The following ST8SIA5 variants were observed in gnomAD, a reference collection of about 807,000 sequenced individuals.
ST8SIA5 encodes the protein alpha-2,8-sialyltransferase 8E.
In ST8SIA5, 24 loss-of-function variants were observed where a neutral mutation model predicts 40.2. That is an observed-to-expected ratio of 0.60 (90% CI 0.43 to 0.84). The LOEUF (loss-of-function observed/expected upper bound fraction) is 0.84. Ranked by LOEUF, ST8SIA5 falls within the 40% of genes least tolerant of loss-of-function variation. The probability of loss-of-function intolerance (pLI) is 0.00; values close to 1 mark genes in which losing one functional copy is unlikely to be tolerated. For synonymous variants in ST8SIA5, 198 were observed against 201.8 expected (o/e 0.98, Z 0.16); for missense variants, 465 against 498.5 (o/e 0.93, Z 0.64).
intron 1 of ST8SIA5, among the ~76,000 whole-genome samples, chr18:46,749,484 A>G (rs959644206): frequency 1.6e-4 from 24 of 152,216 alleles, no homozygotes; most frequent in Non-Finnish European, 3.2e-4. Flanking sequence ...TAAAACAAGA[A>G]CCATATATTA....
chr18:46,686,233 T>G lies in ST8SIA5; in HGVS notation c.510A>C (p.Gly170=). The change falls in exon 5 of 7, where the codon GGA becomes GGC. Residue 170 remains glycine, a synonymous_variant. Transcript: ENST00000315087. ...QFKKCAVVGN[G]GILKNSRCGR... The stretch of plus-strand genomic sequence containing the variant: ...CGCAGCGGCTGTTCTTCAAGATGCC[T>G]CCGTTGCCCACTACAGCACACTTCT... The G allele has an allele frequency of 6.2e-7, 1 of 1,614,158 alleles. No homozygotes were observed. The highest frequency in any genetic ancestry group is 8.5e-7 in the Non-Finnish European group (1 of 1,180,024).
chr18:46,692,198 C>T lies in ST8SIA5; in HGVS notation c.282G>A (p.Ala94=), dbSNP rs371174943. 17 of 1,613,948 alleles carry T rather than the reference C, an allele frequency of 1.1e-5. No individual in the cohort carries two copies. Among genetic ancestry groups the T allele is most frequent in the African/African-American group, 9.3e-5 (7 of 74,872 alleles). The change falls in exon 3 of 7, where the codon GCG becomes GCA. Residue 94 remains alanine (A), a synonymous_variant. Coordinates refer to ENST00000315087, the MANE Select transcript of ST8SIA5 (RefSeq NM_013305.6). ...ACTGGTTGGCCTCAGAGATGTTCAT[C>T]GCCCATTTGCACATCTGGAGGCTCT... ...RWKSLQMCKW[A]MNISEANQFK...
intron 1 of ST8SIA5, among the ~76,000 whole-genome samples, chr18:46,738,087 A>G (rs536165754): frequency 6.6e-6 from 1 of 152,178 alleles, no homozygotes; most frequent in African/African-American, 2.4e-5. Flanking sequence ...TAATATTATT[A>G]CCTCATGAAT....
At position 46,721,611 on chromosome 18, in the gene ST8SIA5, A is replaced by G. The variant is rs2039864467; in HGVS notation, c.132-16947T>C. The G allele has an allele frequency of 1.2e-5, 8 of 691,936 alleles. No homozygotes were observed. The East Asian group carries it at 1.9e-4, about 16-fold the overall frequency. 42.9% of individuals were successfully genotyped at this position (691,936 alleles called of 1,614,324 possible). The stretch of plus-strand genomic sequence containing the variant: ...AAAGGAGGCGATGGTACTGACTCCA[A>G]CCATGAGGATGGTGATCATAAACCA... On this transcript the variant is annotated intron_variant, in intron 1 of 6. Transcript: ENST00000315087.
At chr18:46,753,875 G>A (rs1243550961) in intron 1 of ST8SIA5, among the ~76,000 whole-genome samples, 3 of 152,158 alleles carry the variant, frequency 2.0e-5, no homozygotes, top group Non-Finnish European at 4.4e-5. Flanking sequence ...GCAGCTTGCA[G>A]ATCGCCTGGG....
intron 1 of ST8SIA5, among the ~76,000 whole-genome samples, chr18:46,749,899 G>T (rs569135568): frequency 6.6e-6 from 1 of 152,230 alleles, no homozygotes; most frequent in Admixed American, 6.5e-5. Context: ...CATAAGACGA[G>T]GCCAGAGACT....
intron 1 of ST8SIA5, among the ~76,000 whole-genome samples, chr18:46,735,397 C>T (rs1228071139): frequency 1.3e-5 from 2 of 152,144 alleles, no homozygotes; most frequent in Admixed American, 6.5e-5. Flanking sequence ...CAGTAACCAA[C>T]GTCTATAGCA....
At chr18:46,694,933 C>T (rs1041613272) in intron 2 of ST8SIA5, among the ~76,000 whole-genome samples, 3 of 151,696 alleles carry the variant, frequency 2.0e-5, no homozygotes, top group Admixed American at 6.6e-5. Context: ...CCGAGGCGGG[C>T]GGATCATCTG....
At chr18:46,721,770 C>T (rs2039866364) in intron 1 of ST8SIA5, among the ~76,000 whole-genome samples, 1 of 152,236 alleles carries the variant, frequency 6.6e-6, no homozygotes. Flanking sequence ...GCTCTTCTAC[C>T]TCCTATACCG....
At chr18:46,719,359 A>G (rs2039827878) in intron 1 of ST8SIA5, among the ~76,000 whole-genome samples, 1 of 152,158 alleles carries the variant, frequency 6.6e-6, no homozygotes, top group Admixed American at 6.5e-5. Flanking sequence ...GGAGTGAGAA[A>G]GGGAGTAGGG....
At position 46,679,329 on chromosome 18, in the gene ST8SIA5, C is replaced by T. The variant is rs1568245765; in HGVS notation, c.*713G>A. 2.0e-5 allele frequency: 3 copies of T among 151,968 alleles called. No homozygotes were observed. The highest frequency in any genetic ancestry group is 4.8e-5 in the African/African-American group (2 of 41,296). 9.4% of individuals were successfully genotyped at this position (151,968 alleles called of 1,614,324 possible). On this transcript the variant is annotated 3_prime_UTR_variant, in exon 7 of 7. Coordinates refer to ENST00000315087, the MANE Select transcript of ST8SIA5 (RefSeq NM_013305.6). ...GGGGCACCAAGACCGCATGTGTGTC[C>T]GAGGATGTGTCTGAAAGGATGTGGT...
In ST8SIA5 at chr18:46,672,459, C is replaced by A. The variant is rs1460052629; in HGVS notation, c.*7583G>T. On this transcript the variant is annotated 3_prime_UTR_variant, in exon 7 of 7. Coordinates refer to ENST00000315087, the MANE Select transcript of ST8SIA5 (RefSeq NM_013305.6). ...AATTCTAGAGAAAACAGAACTTTTA[C>A]CCCAAAGCTGAGCAGATCATTTAGT... 1 of 152,152 alleles carries A rather than the reference C, an allele frequency of 6.6e-6. No homozygotes were observed. Among genetic ancestry groups the A allele is most frequent in the African/African-American group, 2.4e-5 (1 of 41,414 alleles). The allele number at this position is 152,152 out of a possible 1,614,324, so 9.4% of individuals were successfully genotyped here.
chr18:46,731,419 C>T (rs1229128974), intron 1 of ST8SIA5, among the ~76,000 whole-genome samples: 2 of 152,206 alleles, frequency 1.3e-5, no homozygotes, highest in Non-Finnish European at 2.9e-5. Context: ...TGAGTAACTG[C>T]TACTACCCAT....
chr18:46,710,059 G>A (rs1014567975), intron 1 of ST8SIA5, among the ~76,000 whole-genome samples: 1 of 152,124 alleles, frequency 6.6e-6, no homozygotes, highest in African/African-American at 2.4e-5. Flanking sequence ...TCAAAGGGGA[G>A]GGCACCCTGG....
chr18:46,714,113 C>T (rs1568265027), intron 1 of ST8SIA5, among the ~76,000 whole-genome samples: 1 of 152,110 alleles, frequency 6.6e-6, no homozygotes. Context: ...AACCAGGAGG[C>T]TCGCATGGGG....
chr18:46,725,536 C>T (rs1037800306), intron 1 of ST8SIA5, among the ~76,000 whole-genome samples: 3 of 146,508 alleles, frequency 2.0e-5, no homozygotes, highest in East Asian at 2.2e-4. Flanking sequence ...TTAAATGGCA[C>T]GGGTGGGGGG....
chr18:46,679,992 G>T lies in ST8SIA5; in HGVS notation c.*50C>A. The T allele has an allele frequency of 7.1e-6, 11 of 1,543,066 alleles. No homozygotes were observed. Among genetic ancestry groups the T allele is most frequent in the Non-Finnish European group, 9.6e-6 (11 of 1,141,496 alleles). Reference sequence around the variant, plus strand: ...TCGGGGCTCCCAGTTCCACCAGGAGGGACAGCAGGAGAGGGGGCGCCGCTT... The same window carrying T: ...TCGGGGCTCCCAGTTCCACCAGGAGTGACAGCAGGAGAGGGGGCGCCGCTT... On this transcript the variant is annotated 3_prime_UTR_variant, in exon 7 of 7. Coordinates refer to ENST00000315087, the MANE Select transcript of ST8SIA5 (RefSeq NM_013305.6).
intron 1 of ST8SIA5, 34 bp downstream of exon 1, chr18:46,756,344 C>A (rs1324401444): frequency 6.2e-7 from 1 of 1,603,574 alleles, no homozygotes; most frequent in South Asian, 1.1e-5. Context: ...CCGGCCGGCT[C>A]CGCGCATCCC....
chr18:46,746,888 C>T (rs895813872), intron 1 of ST8SIA5, among the ~76,000 whole-genome samples: 1 of 152,082 alleles, frequency 6.6e-6, no homozygotes, highest in Non-Finnish European at 1.5e-5. Flanking sequence ...ACCAATGTAA[C>T]AGAACAGAGG....
Sources: allele counts gnomAD v4.1 joint callset (sites outside exome capture counted in the v4.1 genomes callset), GRCh38; gene constraint gnomAD v4.1.1; transcripts MANE v1.5; gene names NCBI Gene and HGNC (gene_info 2026-07-23, HGNC 2026-07-21).